Variants in CELF2 observed in about 807,000 individuals in gnomAD.
CELF2 encodes the protein CUG triplet repeat RNA-binding protein 2.
Under a neutral mutation model 62.6 loss-of-function variants are expected in CELF2, and 8 were observed. The observed-to-expected ratio is 0.13, with a 90% CI of 0.07 to 0.23. The LOEUF (loss-of-function observed/expected upper bound fraction) is 0.23. Among genes scored for constraint, CELF2 ranks in the 10% least tolerant of loss-of-function variants. The pLI is 1.00. For missense variants in CELF2, 333 were observed against 671.0 expected (o/e 0.50, Z 5.56); for synonymous variants, 258 against 250.0 (o/e 1.03, Z -0.30).
At position 10,823,981 on chromosome 10, in the gene CELF2, GATAGATAC is replaced by G. The variant is rs765880070; in HGVS notation, c.53+25188_53+25195del. Among the ~76,000 whole-genome samples the G allele has an allele frequency of 2.9e-3, 446 of 152,168 alleles. 3 individuals carry two copies. The highest frequency in any genetic ancestry group is 8.7e-3 in the African/African-American group (362 of 41,506). ...AGATCTAGCAGATGATAGATAGATA[GATAGATAC>G]ATAGATACATAGATACATAGATAAA... On this transcript the variant is annotated intron_variant, in intron 1 of 13. Coordinates refer to the CELF2 transcript ENST00000636488.
chr10:10,914,389 G>T (rs886787377), intron 1 of CELF2, among the ~76,000 whole-genome samples: 1 of 152,202 alleles, frequency 6.6e-6, no homozygotes, highest in South Asian at 2.1e-4. Context: ...AGGAGATGAC[G>T]AGGGAATGTT....
the CELF2 span, among the ~76,000 whole-genome samples, chr10:10,739,971 AT>A: frequency 2.6e-5 from 4 of 151,698 alleles, no homozygotes; most frequent in African/African-American, 7.3e-5. Flanking sequence ...TTGTTTGTTT[AT>A]TTGCTATTTA....
chr10:10,562,971 G>A, the CELF2 span, among the ~76,000 whole-genome samples: 2 of 151,858 alleles, frequency 1.3e-5, no homozygotes, highest in Non-Finnish European at 2.9e-5. Flanking sequence ...GACAGAATAC[G>A]AAGACCTGGT....
At chr10:10,721,338 TA>T in the CELF2 span, among the ~76,000 whole-genome samples, 3 of 151,654 alleles carry the variant, frequency 2.0e-5, no homozygotes, top group Non-Finnish European at 4.4e-5. Flanking sequence ...TTACCCCTGT[TA>T]ATCTACACGG....
At chr10:10,613,189 A>C in the CELF2 span, among the ~76,000 whole-genome samples, 1 of 152,174 alleles carries the variant, frequency 6.6e-6, no homozygotes, top group Non-Finnish European at 1.5e-5. Flanking sequence ...AATAAATGTC[A>C]AGTGGAATTA....
chr10:10,588,187 A>G, the CELF2 span, among the ~76,000 whole-genome samples: 1 of 152,106 alleles, frequency 6.6e-6, no homozygotes, highest in African/African-American at 2.4e-5. Flanking sequence ...CCCGTGACCC[A>G]TTACCCCAAA....
intron 1 of CELF2, among the ~76,000 whole-genome samples, chr10:10,896,553 TATAAG>T (rs887834466): frequency 3.3e-5 from 5 of 151,464 alleles, no homozygotes; most frequent in African/African-American, 1.2e-4. Context: ...CCAGTATTCT[TATAAG>T]AAGAAAAGAG....
the CELF2 span, among the ~76,000 whole-genome samples, chr10:10,462,785 C>A: frequency 2.0e-5 from 3 of 151,900 alleles, no homozygotes; most frequent in African/African-American, 7.3e-5. Context: ...TGGTTAATAA[C>A]AGCATTCCTG....
chr10:10,665,242 C>G, the CELF2 span, among the ~76,000 whole-genome samples: 1 of 152,110 alleles, frequency 6.6e-6, no homozygotes, highest in Non-Finnish European at 1.5e-5. Context: ...TGGAAAAAAA[C>G]ATGGAAATCA....
At chr10:11,252,099 G>A (rs1173574916) in intron 4 of CELF2, among the ~76,000 whole-genome samples, 1 of 152,214 alleles carries the variant, frequency 6.6e-6, no homozygotes, top group Non-Finnish European at 1.5e-5. Context: ...GGCCCAAATG[G>A]AACCTCACCT....
At chr10:11,048,284 CT>C (rs1231040682) in intron 1 of CELF2, among the ~76,000 whole-genome samples, 7 of 152,302 alleles carry the variant, frequency 4.6e-5, no homozygotes, top group South Asian at 4.1e-4. Context: ...AAAAGTTGAC[CT>C]TTTTTTCCCC....
rs2066980293 is a variant in CELF2, at chr10:11,165,909, G to C, written c.271+227G>C. ...AGGCGGGAGAGAGGGACCGAGGCAG[G>C]GCGGGAGCGCAGAGGCTCGGTCCAG... On this transcript the variant is annotated intron_variant, in intron 2 of 12. Coordinates refer to ENST00000633077, the MANE Select transcript of CELF2 (RefSeq NM_001326342.2). This position sits in a 1 kb window ranked among gnomAD's most constrained non-coding sequence, Gnocchi z 7.4. 6.6e-6 allele frequency among the ~76,000 whole-genome samples: 1 copy of C among 152,240 alleles called. No homozygotes were observed. The highest frequency in any genetic ancestry group is 6.5e-5 in the Admixed American group (1 of 15,290).
chr10:10,715,696 A>T, the CELF2 span, among the ~76,000 whole-genome samples: 76 of 152,292 alleles, frequency 5.0e-4, no homozygotes, highest in African/African-American at 1.7e-3. Flanking sequence ...TTCCCCTTAC[A>T]CAACCATCAT....
intron 1 of CELF2, among the ~76,000 whole-genome samples, chr10:10,902,058 A>C (rs2062976231): frequency 1.3e-5 from 2 of 152,228 alleles, no homozygotes; most frequent in Admixed American, 1.3e-4. Context: ...TGAATGGCTA[A>C]AATTAAAAAT....
the CELF2 span, among the ~76,000 whole-genome samples, chr10:10,655,273 T>C: frequency 3.6e-5 from 5 of 139,726 alleles, no homozygotes; most frequent in Non-Finnish European, 6.3e-5. Context: ...GAAGAATCAA[T>C]ATCGTGAAAA....
rs1380933697 is a variant in CELF2 at position 11,267,427 on chromosome 10, C to T, written c.618+750C>T. Among the ~76,000 whole-genome samples the T allele has an allele frequency of 6.6e-6, 1 of 152,130 alleles. No individual in the cohort carries two copies. The highest frequency in any genetic ancestry group is 1.5e-5 in the Non-Finnish European group (1 of 68,034). On this transcript the variant is annotated intron_variant, in intron 6 of 12. Coordinates refer to ENST00000633077, the MANE Select transcript of CELF2 (RefSeq NM_001326342.2). The surrounding 1 kb of genome is among the most constrained non-coding windows in gnomAD (Gnocchi z 4.4). ...GGCCTTTCAGAATTTTGCACAAAAG[C>T]ATTCCAAGAGTGATATGCCGTTACT...
At chr10:11,017,035 T>C (rs573796810), upstream of CELF2, among the ~76,000 whole-genome samples, 1 of 152,348 alleles carries the variant, frequency 6.6e-6, no homozygotes, top group East Asian at 1.9e-4. This position sits in a 1 kb window ranked among gnomAD's most constrained non-coding sequence, Gnocchi z 5.5. Context: ...GAACGATCAA[T>C]TAGAATGTCA....
Position 11,241,590 on chromosome 10 carries a change from G to A in CELF2, c.355-7563G>A, listed in dbSNP as rs187761718. On this transcript the variant is annotated intron_variant, in intron 3 of 12. Transcript: ENST00000633077. ...TTAAAGATATCTTAGCAAGTTTACC[G>A]TAGTGTTAGTGTTTTGTTTTTATTT... Among the ~76,000 whole-genome samples the A allele has an allele frequency of 2.4e-3, 373 of 152,282 alleles. 2 individuals carry two copies. The highest frequency in any genetic ancestry group is 8.3e-3 in the African/African-American group (343 of 41,552).
chr10:10,967,599 G>C (rs1054178292), intron 2 of CELF2, among the ~76,000 whole-genome samples: 1 of 152,206 alleles, frequency 6.6e-6, no homozygotes, highest in South Asian at 2.1e-4. Context: ...GAAGGTGGGC[G>C]CCAGCCTCCT....
Sources: gnomAD v4.1 joint callset for allele counts (sites outside exome capture counted in the v4.1 genomes callset) on GRCh38, gnomAD v4.1.1 for gene constraint, Gnocchi (gnomAD v3.1) non-coding constraint, MANE v1.5 for transcripts, NCBI Gene and HGNC (gene_info 2026-07-23, HGNC 2026-07-21) for gene names.